SMAD7: variants seen among roughly 807,000 people sequenced by gnomAD.
SMAD7 encodes the protein SMAD family member 7, also known as MAD (mothers against decapentaplegic, Drosophila) homolog 7.
SMAD7 carries 8 observed loss-of-function variants against 38.7 expected under a neutral mutation model. The observed-to-expected ratio is 0.21, with a 90% CI of 0.12 to 0.37. The LOEUF (loss-of-function observed/expected upper bound fraction) is 0.37, where lower values mean the gene tolerates loss of function less well. Among genes scored for constraint, SMAD7 ranks in the 10% least tolerant of loss-of-function variants. The pLI is 1.00. For missense variants in SMAD7, 477 were observed against 577.9 expected, an observed-to-expected ratio of 0.83 and a Z score of 1.79; for synonymous variants, 327 against 265.1, an observed-to-expected ratio of 1.23 and a Z score of -2.27.
chr18:48,941,882 G>A (rs1276843026), intron 3 of SMAD7, among the ~76,000 whole-genome samples: 3 of 152,216 alleles, frequency 2.0e-5, no homozygotes, highest in East Asian at 3.9e-4. Flanking sequence ...TGTGAGCCCT[G>A]AGGAAAACCT....
chr18:48,942,132 A>G (rs78553169), intron 3 of SMAD7, among the ~76,000 whole-genome samples: 5,239 of 152,274 alleles, frequency 0.034, 309 homozygotes, highest in African/African-American at 0.12. Context: ...AAAGCAAAAA[A>G]AGAGCTCAAA....
intron 3 of SMAD7, among the ~76,000 whole-genome samples, chr18:48,935,926 T>C (rs940506037): frequency 2.0e-5 from 3 of 151,560 alleles, no homozygotes; most frequent in South Asian, 2.1e-4. Flanking sequence ...TAGAAAAAAA[T>C]TAGCCAGGCA....
chr18:48,941,414 G>A (rs2143806204), intron 3 of SMAD7, among the ~76,000 whole-genome samples: 1 of 152,310 alleles, frequency 6.6e-6, no homozygotes, highest in East Asian at 1.9e-4. Context: ...GAGCCGGGGA[G>A]GGAGCCGTCC....
Position 48,921,277 on chromosome 18 carries a change from T to C in SMAD7, c.*95A>G. The C allele has an allele frequency of 8.9e-7, 1 of 1,118,930 alleles. No individual in the cohort carries two copies. The highest frequency in any genetic ancestry group is 1.3e-6 in the Non-Finnish European group (1 of 792,380). The allele number at this position is 1,118,930 out of a possible 1,614,324, so 69.3% of individuals were successfully genotyped here. A position where few individuals can be genotyped will look rare whatever the true frequency, so the allele number is the denominator to read the frequency against. ...ACAAAAAAAAAACGACCAAAGAGTT[T>C]GCATGAAAAGCAAGCACTCAGGAGG... On this transcript the variant is annotated 3_prime_UTR_variant, in exon 4 of 4. Coordinates refer to ENST00000262158, the MANE Select transcript of SMAD7 (RefSeq NM_005904.4). The surrounding 1 kb of genome is among the most constrained non-coding windows in gnomAD (Gnocchi z 6.4).
chr18:48,923,542 A>G (rs1375069923), intron 3 of SMAD7, among the ~76,000 whole-genome samples: 1 of 152,098 alleles, frequency 6.6e-6, no homozygotes, highest in Non-Finnish European at 1.5e-5. Flanking sequence ...AGGCCATACA[A>G]ATGTGCACAC....
At chr18:48,947,206 G>A (rs2070204691) in intron 2 of SMAD7, among the ~76,000 whole-genome samples, 2 of 152,162 alleles carry the variant, frequency 1.3e-5, no homozygotes. Flanking sequence ...TGCTTTGCGG[G>A]CCACTTATTA....
intron 2 of SMAD7, among the ~76,000 whole-genome samples, chr18:48,946,244 A>G (rs2070193526): frequency 6.6e-6 from 1 of 152,186 alleles, no homozygotes; most frequent in South Asian, 2.1e-4. Flanking sequence ...GTAACCCAAG[A>G]CCAAAAATTC....
At chr18:48,926,282 A>AG (rs2069927507) in intron 3 of SMAD7, among the ~76,000 whole-genome samples, 1 of 152,092 alleles carries the variant, frequency 6.6e-6, no homozygotes, top group African/African-American at 2.4e-5. Context: ...ACTTGTGGGG[A>AG]GGGGGTCCCC....
At chr18:48,932,671 G>C (rs554101368) in intron 3 of SMAD7, among the ~76,000 whole-genome samples, 1 of 152,142 alleles carries the variant, frequency 6.6e-6, no homozygotes, top group Non-Finnish European at 1.5e-5. Flanking sequence ...ATGTGAAAAG[G>C]AAACACCCTG....
intron 2 of SMAD7, among the ~76,000 whole-genome samples, chr18:48,945,043 G>A (rs929199604): frequency 6.6e-6 from 1 of 152,192 alleles, no homozygotes; most frequent in Admixed American, 6.5e-5. Flanking sequence ...CAGCAACTGC[G>A]TTCTGAGCTT....
At chr18:48,928,313 C>A (rs2069953180) in intron 3 of SMAD7, among the ~76,000 whole-genome samples, 1 of 152,210 alleles carries the variant, frequency 6.6e-6, no homozygotes. Context: ...ATTTTTACTA[C>A]CTTCCAGAGA....
At chr18:48,949,702 G>C (rs2070238422) in intron 1 of SMAD7, 110 bp downstream of exon 1, 1 of 1,210,858 alleles carries the variant, frequency 8.3e-7, no homozygotes, top group Non-Finnish European at 1.1e-6. Context: ...TCCCAGGAGG[G>C]TATGCACACT....
At chr18:48,942,883 T>C in intron 2 of SMAD7, 1 of 837,848 alleles carries the variant, frequency 1.2e-6, no homozygotes, top group Non-Finnish European at 1.5e-6. Flanking sequence ...GAGGTTTGGG[T>C]TGGACTTTCT....
intron 3 of SMAD7, among the ~76,000 whole-genome samples, chr18:48,931,954 A>G (rs2070006940): frequency 6.8e-6 from 1 of 146,598 alleles, no homozygotes; most frequent in Admixed American, 6.7e-5. Flanking sequence ...AGGCCCCACG[A>G]TCCTGGGCTC....
intron 3 of SMAD7, among the ~76,000 whole-genome samples, chr18:48,925,816 G>A (rs1338452796): frequency 1.3e-5 from 2 of 151,724 alleles, no homozygotes; most frequent in African/African-American, 2.4e-5. Flanking sequence ...GCACAATCTC[G>A]GCTCACTGCA....
At chr18:48,949,454 C>A in intron 1 of SMAD7, 2 of 185,748 alleles carry the variant, frequency 1.1e-5, no homozygotes, top group Non-Finnish European at 2.1e-5. Context: ...TGCGGGGAGG[C>A]GTGACCCCCC....
At chr18:48,929,633 T>C (rs2069972509) in intron 3 of SMAD7, among the ~76,000 whole-genome samples, 1 of 145,722 alleles carries the variant, frequency 6.9e-6, no homozygotes, top group South Asian at 2.3e-4. Flanking sequence ...TACAAACCAC[T>C]GCATCATTAA....
intron 3 of SMAD7, among the ~76,000 whole-genome samples, chr18:48,941,686 A>G (rs370552076): frequency 4.6e-5 from 7 of 152,334 alleles, no homozygotes; most frequent in African/African-American, 1.7e-4. Flanking sequence ...GTGGGGATGG[A>G]AAAACAGGTA....
chr18:48,921,983 C>T lies in SMAD7; in HGVS notation c.743-73G>A, dbSNP rs753203889. On this transcript the variant is annotated intron_variant, in intron 3 of 3. Transcript: ENST00000262158. The surrounding 1 kb of genome is among the most constrained non-coding windows in gnomAD (Gnocchi z 6.4). ...ACTCCTAGAATGAAGACACCCGCCC[C>T]CCCACTGCACCCAGTCACCAGCTCA... The T allele has an allele frequency of 9.7e-6, 11 of 1,139,324 alleles. No individual in the cohort carries two copies. Among genetic ancestry groups the T allele is most frequent in the South Asian group, 7.5e-5 (5 of 66,298 alleles). 70.6% of individuals were successfully genotyped at this position (1,139,324 alleles called of 1,614,324 possible).
Sources: allele counts gnomAD v4.1 joint callset (sites outside exome capture counted in the v4.1 genomes callset), GRCh38; gene constraint gnomAD v4.1.1; non-coding constraint Gnocchi (gnomAD v3.1); transcripts MANE v1.5; gene names NCBI Gene and HGNC (gene_info 2026-07-23, HGNC 2026-07-21).